The following COL11A1 variants were observed in gnomAD, a reference collection of about 807,000 sequenced individuals.
The protein encoded by COL11A1 is collagen type XI alpha 1 chain.
A neutral mutation model predicts 265.2 loss-of-function variants in COL11A1; 74 were observed. The ratio of observed to expected loss-of-function variants is 0.28; its 90% confidence interval spans 0.23 to 0.34. COL11A1 has a LOEUF of 0.34. Among genes scored for constraint, COL11A1 ranks in the 10% least tolerant of loss-of-function variants. The pLI, the probability that COL11A1 is intolerant of heterozygous loss-of-function variation, is 1.00. For missense variants in COL11A1, 2,165 were observed against 2,263.6 expected (o/e 0.96, Z 0.88); for synonymous variants, 816 against 727.6 (o/e 1.12, Z -1.96).
chr1:103,031,864 T>A (rs12726009), intron 4 of COL11A1, among the ~76,000 whole-genome samples: 12,265 of 151,104 alleles, frequency 0.081, 551 homozygotes, highest in Middle Eastern at 0.16. Context: ...AAAAAAAAAG[T>A]GTTCCTAAGG....
At chr1:103,012,226 G>A (rs977243253) in intron 14 of COL11A1, among the ~76,000 whole-genome samples, 187 bp downstream of exon 14, 1 of 151,928 alleles carries the variant, frequency 6.6e-6, no homozygotes, top group African/African-American at 2.4e-5. Context: ...ATTTTTTACT[G>A]AGACCTTTTG....
At chr1:102,964,804 A>C (rs1661252937) in intron 38 of COL11A1, among the ~76,000 whole-genome samples, 1 of 152,162 alleles carries the variant, frequency 6.6e-6, no homozygotes. Context: ...CCAGAAACTA[A>C]ATGTGTTCTG....
At chr1:103,084,207 A>G (rs1169833094) in intron 1 of COL11A1, among the ~76,000 whole-genome samples, 1 of 152,098 alleles carries the variant, frequency 6.6e-6, no homozygotes, top group Non-Finnish European at 1.5e-5. Context: ...ATTTTTCATC[A>G]ACTCAAACTT....
chr1:103,049,086 G>A (rs541364400), intron 4 of COL11A1, among the ~76,000 whole-genome samples: 1 of 152,160 alleles, frequency 6.6e-6, no homozygotes, highest in Non-Finnish European at 1.5e-5. Flanking sequence ...TTGATTTGGG[G>A]TGGAGAGTTC....
intron 1 of COL11A1, among the ~76,000 whole-genome samples, chr1:103,087,565 C>T (rs879629766): frequency 3.3e-5 from 5 of 152,192 alleles, no homozygotes; most frequent in South Asian, 2.1e-4. Context: ...ATGAGTCCCT[C>T]ATTCTGTCCT....
chr1:103,047,682 A>G (rs1037989124), intron 4 of COL11A1, among the ~76,000 whole-genome samples: 1 of 152,154 alleles, frequency 6.6e-6, no homozygotes, highest in African/African-American at 2.4e-5. Context: ...GTCTTGTTCC[A>G]GTTTTCAAAG....
intron 4 of COL11A1, among the ~76,000 whole-genome samples, chr1:103,035,820 GTTT>G (rs71795715): frequency 0.14 from 20,774 of 151,606 alleles, 1,507 homozygotes; most frequent in African/African-American, 0.15. Context: ...TAGTTTCTGA[GTTT>G]TTTTGTAAAT....
At chr1:102,879,477 G>A (rs1391758585) in intron 66 of COL11A1, among the ~76,000 whole-genome samples, 1 of 152,100 alleles carries the variant, frequency 6.6e-6, no homozygotes, top group Non-Finnish European at 1.5e-5. Context: ...CTTTAAAAAT[G>A]TTTCAGAGTG....
intron 65 of COL11A1, 77 bp downstream of exon 65, chr1:102,881,620 A>C: frequency 8.4e-7 from 1 of 1,196,540 alleles, no homozygotes; most frequent in Non-Finnish European, 1.2e-6. Context: ...TTTCACTGTT[A>C]AAGTCCAGAA....
Position 102,995,921 on chromosome 1 carries a change from T to A in COL11A1, c.2296-13A>T. ...CACCATCTGCTCCCTGTGGAATAAATTAGAAGTATTAAGTGAATATAACAT... is the reference window on the plus strand; with the variant it reads ...CACCATCTGCTCCCTGTGGAATAAAATAGAAGTATTAAGTGAATATAACAT... On this transcript the variant is annotated splice_polypyrimidine_tract_variant and intron_variant, in intron 27 of 66. Transcript: ENST00000370096. The A allele has an allele frequency of 6.2e-7, 1 of 1,612,340 alleles. No individual in the cohort carries two copies. Among genetic ancestry groups the A allele is most frequent in the East Asian group, 2.2e-5 (1 of 44,830 alleles).
At chr1:103,038,346 T>A (rs1269941327) in intron 4 of COL11A1, among the ~76,000 whole-genome samples, 1 of 152,054 alleles carries the variant, frequency 6.6e-6, no homozygotes, top group Non-Finnish European at 1.5e-5. Flanking sequence ...ATGCTTGTAG[T>A]CCTAGCTACT....
chr1:103,084,150 T>G (rs1190510894), intron 1 of COL11A1, among the ~76,000 whole-genome samples: 1 of 152,196 alleles, frequency 6.6e-6, no homozygotes, highest in East Asian at 1.9e-4. Context: ...TCAGTAGCAT[T>G]AATTACACTC....
intron 46 of COL11A1, among the ~76,000 whole-genome samples, chr1:102,932,457 A>G (rs1331890288): frequency 6.6e-6 from 1 of 152,090 alleles, no homozygotes; most frequent in South Asian, 2.1e-4. Context: ...CTGCCGAGAG[A>G]TCCGCTGTTA....
Position 102,913,623 on chromosome 1 carries a change from G to C in COL11A1, c.4032+14C>G, listed in dbSNP as rs1172490459. ...TATGTAAAAACTTAAAAATAAATTA[G>C]TGCATTTACTCACCGGTTGACCAGG... On this transcript the variant is annotated intron_variant, in intron 53 of 66. Transcript: ENST00000370096. 1.9e-6 allele frequency: 3 copies of C among 1,610,420 alleles called. No individual in the cohort carries two copies. The highest frequency in any genetic ancestry group is 1.7e-5 in the Admixed American group (1 of 59,938).
chr1:102,920,221 A>G, intron 49 of COL11A1, 90 bp downstream of exon 49: 1 of 1,146,406 alleles, frequency 8.7e-7, no homozygotes, highest in Admixed American at 1.7e-5. Context: ...GCTTAGAAAC[A>G]CACATACTAG....
At chr1:103,050,032 A>AT (rs977909309) in intron 4 of COL11A1, among the ~76,000 whole-genome samples, 27 of 151,706 alleles carry the variant, frequency 1.8e-4, no homozygotes, top group Admixed American at 3.3e-4. Flanking sequence ...TGCCCTTAAC[A>AT]TTTTTTCCTT....
chr1:102,879,405 C>G (rs933787981), intron 66 of COL11A1, among the ~76,000 whole-genome samples: 1 of 152,018 alleles, frequency 6.6e-6, no homozygotes, highest in Non-Finnish European at 1.5e-5. Flanking sequence ...GAATAACTAG[C>G]TGTGATATGA....
chr1:103,090,132 A>G (rs1259249444), intron 1 of COL11A1, among the ~76,000 whole-genome samples: 1 of 151,718 alleles, frequency 6.6e-6, no homozygotes, highest in African/African-American at 2.4e-5. Flanking sequence ...AAAATAAATA[A>G]ATAAATAAAT....
At chr1:103,066,455 C>T (rs1290032086) in intron 4 of COL11A1, among the ~76,000 whole-genome samples, 1 of 145,960 alleles carries the variant, frequency 6.9e-6, no homozygotes, top group African/African-American at 2.5e-5. Context: ...ACAAATTTTA[C>T]AATTATTATA....
Sources: gnomAD v4.1 joint callset for allele counts (sites outside exome capture counted in the v4.1 genomes callset) on GRCh38, gnomAD v4.1.1 for gene constraint, MANE v1.5 for transcripts, NCBI Gene and HGNC (gene_info 2026-07-23, HGNC 2026-07-21) for gene names.